The following DYM variants were observed in gnomAD, a reference collection of about 807,000 sequenced individuals.
DYM encodes the protein dymeclin, also known as dyggve-Melchior-Clausen syndrome protein.
A neutral mutation model predicts 93.1 loss-of-function variants in DYM; 78 were observed. The ratio of observed to expected loss-of-function variants is 0.84; its 90% CI spans 0.70 to 1.01. The LOEUF (loss-of-function observed/expected upper bound fraction) is 1.01, where lower values mean the gene tolerates loss of function less well. Among genes scored for constraint, DYM ranks in the 50% least tolerant of loss-of-function variants. DYM has a pLI of 0.00. For synonymous variants in DYM, 321 were observed against 319.7 expected (o/e 1.00, Z -0.04); for missense variants, 789 against 845.0 (o/e 0.93, Z 0.82).
At chr18:49,321,654 T>A (rs1290140605) in intron 8 of DYM, among the ~76,000 whole-genome samples, 1 of 152,096 alleles carries the variant, frequency 6.6e-6, no homozygotes, top group Non-Finnish European at 1.5e-5. Flanking sequence ...TAAACACTAT[T>A]CCAAATCATC....
At chr18:49,444,681 A>G (rs1403873368) in intron 1 of DYM, among the ~76,000 whole-genome samples, 1 of 152,214 alleles carries the variant, frequency 6.6e-6, no homozygotes, top group Admixed American at 6.5e-5. Flanking sequence ...TTCAAAAATC[A>G]TTTAACTGTG....
chr18:49,443,199 CAT>C (rs1346114901), intron 1 of DYM, among the ~76,000 whole-genome samples: 7 of 152,136 alleles, frequency 4.6e-5, no homozygotes, highest in Admixed American at 1.3e-4. Context: ...TATTTTGTGA[CAT>C]GTGTAAATTA....
At position 49,259,543 on chromosome 18, in the gene DYM, A is replaced by G. The variant is rs115764553; in HGVS notation, c.1252-1050T>C. On this transcript the variant is annotated intron_variant, in intron 11 of 17. Coordinates refer to ENST00000675505, the MANE Select transcript of DYM (RefSeq NM_001353214.3). ...GAGTCTTAAGAACTAAATGCAGTAG[A>G]CGTTGGAATCTGATTCAAACAAATC... Among the ~76,000 whole-genome samples, 874 of 152,306 alleles carry G rather than the reference A, an allele frequency of 5.7e-3. 6 individuals are homozygous for G. The highest frequency in any genetic ancestry group is 0.02 in the African/African-American group (846 of 41,566).
chr18:49,441,108 A>ATATATT (rs1221239050), intron 1 of DYM, among the ~76,000 whole-genome samples: 3 of 7,200 alleles, frequency 4.2e-4, no homozygotes, highest in East Asian at 0.015. Context: ...AATATATATT[A>ATATATT]ATATAAATAT....
chr18:49,060,734 A>AGAGGGAGAAG (rs1426692221), intron 17 of DYM, among the ~76,000 whole-genome samples: 1 of 60,410 alleles, frequency 1.7e-5, no homozygotes, highest in African/African-American at 7.0e-5. Context: ...GGAGAGAGGG[A>AGAGGGAGAAG]GAGGGAGAAG....
chr18:49,222,698 C>T (rs2093408240), intron 13 of DYM, among the ~76,000 whole-genome samples: 2 of 152,166 alleles, frequency 1.3e-5, no homozygotes, highest in Admixed American at 1.3e-4. Context: ...GTACCAAAGG[C>T]ATGAAACTCT....
chr18:49,270,127 C>T (rs949870502), intron 11 of DYM, among the ~76,000 whole-genome samples: 2 of 152,222 alleles, frequency 1.3e-5, no homozygotes, highest in East Asian at 3.8e-4. Context: ...GTAGGCTACA[C>T]TATCTTGGCT....
chr18:49,396,242 G>A lies in DYM; in HGVS notation c.141-4597C>T, dbSNP rs1439558067. On this transcript the variant is annotated intron_variant, in intron 2 of 17. Transcript: ENST00000675505. ...CAACACAAAACAGACCAAGACGTTA[G>A]GAAAGTAAATTAGTACAGCCATTAA... Among the ~76,000 whole-genome samples, 3 of 152,150 alleles carry A rather than the reference G, an allele frequency of 2.0e-5. No homozygotes were observed. The East Asian group carries it at 5.8e-4, about 29-fold the overall frequency.
intron 3 of DYM, among the ~76,000 whole-genome samples, chr18:49,390,262 C>T (rs1037816804): frequency 6.6e-5 from 10 of 152,006 alleles, no homozygotes; most frequent in Non-Finnish European, 1.3e-4. Flanking sequence ...CCCATCTATA[C>T]AAAAATAAAA....
At chr18:49,380,204 A>C (rs2147711359) in intron 3 of DYM, among the ~76,000 whole-genome samples, 1 of 152,342 alleles carries the variant, frequency 6.6e-6, no homozygotes, top group South Asian at 2.1e-4. Flanking sequence ...AAAAATTAAG[A>C]AAACATATCA....
At chr18:49,261,322 T>TA (rs936747109) in intron 11 of DYM, among the ~76,000 whole-genome samples, 1 of 152,202 alleles carries the variant, frequency 6.6e-6, no homozygotes, top group Non-Finnish European at 1.5e-5. Context: ...GGCTGGCATA[T>TA]AACAAATACT....
At chr18:49,276,291 C>T (rs1386108987) in intron 10 of DYM, among the ~76,000 whole-genome samples, 22 of 151,786 alleles carry the variant, frequency 1.4e-4, no homozygotes, top group Admixed American at 1.4e-3. Flanking sequence ...AAAGTGATTA[C>T]TTTGTCAAAT....
intron 13 of DYM, among the ~76,000 whole-genome samples, chr18:49,248,837 G>C (rs569019186): frequency 1.5e-5 from 2 of 130,092 alleles, no homozygotes; most frequent in African/African-American, 5.1e-5. Context: ...CTCTTTTCCA[G>C]GATAATTTCC....
chr18:49,230,347 G>A (rs2093658193), intron 13 of DYM, among the ~76,000 whole-genome samples: 1 of 152,110 alleles, frequency 6.6e-6, no homozygotes, highest in African/African-American at 2.4e-5. Flanking sequence ...TTCAAGCACA[G>A]ACCATTTGTC....
At chr18:49,136,449 TG>T (rs1485017499) in intron 15 of DYM, among the ~76,000 whole-genome samples, 1 of 152,190 alleles carries the variant, frequency 6.6e-6, no homozygotes, top group African/African-American at 2.4e-5. Flanking sequence ...GAATTTAGTC[TG>T]GGGGGATAGG....
At chr18:49,284,201 T>C (rs2095063205) in intron 9 of DYM, among the ~76,000 whole-genome samples, 1 of 152,202 alleles carries the variant, frequency 6.6e-6, no homozygotes, top group Non-Finnish European at 1.5e-5. Context: ...CATATATACA[T>C]TACTAGCTAA....
chr18:49,373,570 T>C (rs1411284307), intron 5 of DYM, among the ~76,000 whole-genome samples: 1 of 152,170 alleles, frequency 6.6e-6, no homozygotes, highest in Non-Finnish European at 1.5e-5. Context: ...AGCAAGGTCT[T>C]CATGACTGGT....
At chr18:49,329,508 A>G (rs886909315) in intron 8 of DYM, 3 of 152,254 alleles carry the variant, frequency 2.0e-5, no homozygotes, top group Non-Finnish European at 4.4e-5. Flanking sequence ...TCTCAGAAAC[A>G]AACAAAAGGA....
chr18:49,359,201 G>A (rs2147289543), intron 6 of DYM, among the ~76,000 whole-genome samples: 1 of 152,290 alleles, frequency 6.6e-6, no homozygotes. Flanking sequence ...CTGAGACACA[G>A]GGAAGGTATA....
Sources: allele counts gnomAD v4.1 joint callset (sites outside exome capture counted in the v4.1 genomes callset), GRCh38; gene constraint gnomAD v4.1.1; transcripts MANE v1.5; gene names NCBI Gene and HGNC (gene_info 2026-07-23, HGNC 2026-07-21).